DGKI: variants seen among roughly 807,000 people sequenced by gnomAD.
DGKI encodes diacylglycerol kinase iota, also known as DAG kinase iota.
DGKI carries 55 observed loss-of-function variants against 147.5 expected under a neutral mutation model. The observed-to-expected ratio is 0.37, with a 90% CI of 0.30 to 0.47. The LOEUF (loss-of-function observed/expected upper bound fraction) is 0.47. Among genes scored for constraint, DGKI ranks in the 20% least tolerant of loss-of-function variants. The pLI, the probability that DGKI is intolerant of heterozygous loss-of-function variation, is 1.00. For missense variants in DGKI, 1,007 were observed against 1,323.8 expected, an observed-to-expected ratio of 0.76 and a Z score of 3.71; for synonymous variants, 469 against 477.1, an observed-to-expected ratio of 0.98 and a Z score of 0.22.
chr7:137,513,726 AAT>A (rs1346968236), intron 21 of DGKI: 2 of 463,336 alleles, frequency 4.3e-6, no homozygotes, highest in African/African-American at 2.0e-5. Context: ...TACTGTACTG[AAT>A]ACTGCAGGCA....
chr7:137,546,523 C>T (rs1392511509), intron 20 of DGKI, among the ~76,000 whole-genome samples: 1 of 152,156 alleles, frequency 6.6e-6, no homozygotes, highest in Non-Finnish European at 1.5e-5. Context: ...TTTAAAAACT[C>T]CAAAGGTAAT....
At chr7:137,755,153 A>T (rs1460866819) in intron 1 of DGKI, among the ~76,000 whole-genome samples, 1 of 152,162 alleles carries the variant, frequency 6.6e-6, no homozygotes, top group East Asian at 1.9e-4. Context: ...TACAGAGAGG[A>T]AGAATAAAAT....
intron 1 of DGKI, among the ~76,000 whole-genome samples, chr7:137,745,145 C>T (rs1795285753): frequency 6.6e-6 from 1 of 152,122 alleles, no homozygotes; most frequent in Non-Finnish European, 1.5e-5. Flanking sequence ...GCTGTAAAAA[C>T]ATCCGTTTGT....
At chr7:137,472,329 GTA>G (rs372381827) in intron 23 of DGKI, among the ~76,000 whole-genome samples, 3,056 of 6,294 alleles carry the variant, frequency 0.49, 672 homozygotes, top group African/African-American at 0.55. Context: ...ATTATTATAT[GTA>G]TATATACATA....
At chr7:137,581,997 A>C (rs773383987) in intron 14 of DGKI, 69 bp from the exon 15 acceptor site, 12 of 1,267,900 alleles carry the variant, frequency 9.5e-6, no homozygotes, top group Non-Finnish European at 1.3e-5. Context: ...ATAAAACCTA[A>C]AGCTGGACCC....
intron 1 of DGKI, among the ~76,000 whole-genome samples, chr7:137,767,838 A>G (rs1318953772): frequency 6.6e-6 from 1 of 152,206 alleles, no homozygotes; most frequent in East Asian, 1.9e-4. Flanking sequence ...TGCTATAAAG[A>G]TTAGTTAATA....
intron 1 of DGKI, among the ~76,000 whole-genome samples, chr7:137,743,633 A>C (rs1795241843): frequency 6.6e-6 from 1 of 152,188 alleles, no homozygotes; most frequent in African/African-American, 2.4e-5. Context: ...AAGAAGATAG[A>C]AAAGTCCTAA....
At chr7:137,512,490 TA>T (rs1219439060) in intron 21 of DGKI, among the ~76,000 whole-genome samples, 2 of 152,198 alleles carry the variant, frequency 1.3e-5, no homozygotes, top group Non-Finnish European at 2.9e-5. Flanking sequence ...CATCTGAGCT[TA>T]CATTCCAGAG....
chr7:137,496,510 A>G lies in DGKI; in HGVS notation c.2249-8821T>C, dbSNP rs566548288. Among the ~76,000 whole-genome samples, 4 of 152,128 alleles carry G rather than the reference A, an allele frequency of 2.6e-5. No individual in the cohort carries two copies. The East Asian group carries it at 7.7e-4, about 29-fold the overall frequency. On this transcript the variant is annotated intron_variant, in intron 21 of 32. Transcript: ENST00000614521. ...ATCCCAAATAGCCAAGGAAATAATA[A>G]TAATAAAAAAAAAGCTGGAGGCATC... is the stretch of plus-strand genomic sequence containing the variant.
At chr7:137,681,592 G>T (rs937293424) in intron 2 of DGKI, among the ~76,000 whole-genome samples, 1 of 152,098 alleles carries the variant, frequency 6.6e-6, no homozygotes, top group East Asian at 1.9e-4. Flanking sequence ...CTGGTGCCAG[G>T]CACTGAGATT....
chr7:137,701,710 C>G (rs1346115560), intron 1 of DGKI, among the ~76,000 whole-genome samples: 2 of 151,736 alleles, frequency 1.3e-5, no homozygotes, highest in Admixed American at 6.6e-5. Context: ...ATAAACATAC[C>G]ATATTTGTGT....
At chr7:137,618,680 T>C (rs947508611) in intron 8 of DGKI, among the ~76,000 whole-genome samples, 3 of 152,152 alleles carry the variant, frequency 2.0e-5, no homozygotes, top group African/African-American at 7.2e-5. Flanking sequence ...AAATAAAAAC[T>C]GGAATTCAGT....
intron 1 of DGKI, among the ~76,000 whole-genome samples, chr7:137,796,626 A>T (rs1157084644): frequency 6.6e-5 from 10 of 152,358 alleles, no homozygotes; most frequent in African/African-American, 2.4e-4. Context: ...CATTTAAAAA[A>T]GAGCCAAATA....
intron 5 of DGKI, among the ~76,000 whole-genome samples, chr7:137,649,846 T>C (rs946338091): frequency 6.0e-5 from 9 of 151,084 alleles, no homozygotes; most frequent in Non-Finnish European, 1.5e-5. Flanking sequence ...TTATGGCTTA[T>C]GACTAAGAAA....
intron 1 of DGKI, among the ~76,000 whole-genome samples, chr7:137,739,963 C>T (rs1473137819): frequency 7.2e-5 from 11 of 152,148 alleles, no homozygotes; most frequent in Admixed American, 7.2e-4. Context: ...TTCCGCTCCA[C>T]CATGTCTTTG....
chr7:137,485,248 T>C (rs375556937), intron 23 of DGKI, 126 bp downstream of exon 23: 1 of 763,534 alleles, frequency 1.3e-6, no homozygotes, highest in East Asian at 2.7e-5. Flanking sequence ...CCATTTTCAC[T>C]AGATTCTTAG....
intron 30 of DGKI, among the ~76,000 whole-genome samples, chr7:137,401,233 A>AT (rs1395275601): frequency 6.6e-5 from 10 of 152,214 alleles, no homozygotes; most frequent in African/African-American, 2.2e-4. Flanking sequence ...AAAACAAGAG[A>AT]GAAAAAAATA....
chr7:137,532,279 G>A (rs1370554655), intron 20 of DGKI, among the ~76,000 whole-genome samples: 1 of 152,122 alleles, frequency 6.6e-6, no homozygotes, highest in African/African-American at 2.4e-5. Context: ...CTCAGTCAAG[G>A]GAAGAGCATG....
intron 1 of DGKI, among the ~76,000 whole-genome samples, chr7:137,755,142 C>T (rs1395040210): frequency 6.6e-6 from 1 of 152,066 alleles, no homozygotes; most frequent in African/African-American, 2.4e-5. Flanking sequence ...GACCCTGCAG[C>T]TACAGAGAGG....
Sources: gnomAD v4.1 joint callset for allele counts (sites outside exome capture counted in the v4.1 genomes callset) on GRCh38, gnomAD v4.1.1 for gene constraint, MANE v1.5 for transcripts, NCBI Gene and HGNC (gene_info 2026-07-23, HGNC 2026-07-21) for gene names.